The following NDST3 variants were observed in gnomAD, a reference collection of about 807,000 sequenced individuals.
NDST3 encodes bifunctional heparan sulfate N-deacetylase/N-sulfotransferase 3.
A neutral mutation model predicts 96.1 loss-of-function variants in NDST3; 58 were observed. That is an observed-to-expected ratio of 0.60 (90% confidence interval 0.49 to 0.75). The LOEUF (loss-of-function observed/expected upper bound fraction) is 0.75. Ranked by LOEUF, NDST3 falls within the 30% of genes least tolerant of loss-of-function variation. The pLI is 0.00. For missense variants in NDST3, 788 were observed against 1,034.2 expected (o/e 0.76, Z 3.27); for synonymous variants, 333 against 359.7 (o/e 0.93, Z 0.84).
At chr4:118,225,246 T>G (rs180941088) in intron 7 of NDST3, among the ~76,000 whole-genome samples, 1 of 152,182 alleles carries the variant, frequency 6.6e-6, no homozygotes, top group African/African-American at 2.4e-5. Flanking sequence ...CATATTCAGA[T>G]GACTCTGGGG....
chr4:118,233,192 T>G, intron 9 of NDST3, 57 bp downstream of exon 9: 1 of 1,329,152 alleles, frequency 7.5e-7, no homozygotes. Context: ...CAGTATAAAC[T>G]TAGCACTAAT....
intron 8 of NDST3, among the ~76,000 whole-genome samples, chr4:118,227,203 C>A (rs1222883010): frequency 6.7e-6 from 1 of 150,358 alleles, no homozygotes; most frequent in East Asian, 2.0e-4. Context: ...GTTCAAATAT[C>A]CAGCAGTCAA....
At chr4:118,078,269 G>A (rs1727733957) in intron 2 of NDST3, among the ~76,000 whole-genome samples, 1 of 152,080 alleles carries the variant, frequency 6.6e-6, no homozygotes, top group Non-Finnish European at 1.5e-5. Context: ...AGCTTGTAGG[G>A]TCAGTGTTCA....
intron 6 of NDST3, among the ~76,000 whole-genome samples, chr4:118,151,811 T>C (rs796659319): frequency 1.3e-5 from 2 of 152,350 alleles, no homozygotes; most frequent in South Asian, 4.1e-4. Context: ...TGTTTACTGC[T>C]GTTCATCCCA....
intron 6 of NDST3, among the ~76,000 whole-genome samples, chr4:118,205,827 G>A (rs1264455660): frequency 1.7e-5 from 2 of 115,260 alleles, no homozygotes; most frequent in East Asian, 5.0e-4. Context: ...CACCTATCGG[G>A]CTTTCTTTTT....
chr4:118,256,418 C>A lies in NDST3; in HGVS notation c.*706C>A, dbSNP rs1028115805. ...CGTAATTGTTATACTGAAATATATA[C>A]TGTAAAGCTGTTGGATGGTAAATAG... On this transcript the variant is annotated 3_prime_UTR_variant, in exon 14 of 14. Coordinates refer to ENST00000296499, the MANE Select transcript of NDST3 (RefSeq NM_004784.3). 6.6e-6 allele frequency: 1 copy of A among 152,230 alleles called. No individual in the cohort carries two copies. The highest frequency in any genetic ancestry group is 2.4e-5 in the African/African-American group (1 of 41,528). The allele number at this position is 152,230 out of a possible 1,614,324, so 9.4% of individuals were successfully genotyped here. A position where few individuals can be genotyped will look rare whatever the true frequency, so the allele number is the denominator to read the frequency against.
At chr4:118,245,676 C>G (rs1316321526) in intron 12 of NDST3, among the ~76,000 whole-genome samples, 1 of 151,968 alleles carries the variant, frequency 6.6e-6, no homozygotes, top group Non-Finnish European at 1.5e-5. Context: ...GAAAGAACAC[C>G]TAGAAATGCT....
intron 6 of NDST3, among the ~76,000 whole-genome samples, chr4:118,216,696 T>A (rs1739215484): frequency 1.3e-5 from 2 of 151,950 alleles, no homozygotes; most frequent in Admixed American, 1.3e-4. Flanking sequence ...AGTAAGAAAA[T>A]AAGTGGAGAC....
intron 6 of NDST3, chr4:118,193,757 C>A (rs1737474465): frequency 6.8e-7 from 1 of 1,474,448 alleles, no homozygotes; most frequent in Non-Finnish European, 9.4e-7. Flanking sequence ...GGCCTTGTTA[C>A]AGCTTTCAGT....
intron 1 of NDST3, among the ~76,000 whole-genome samples, chr4:118,037,684 G>A (rs1009004026): frequency 6.6e-6 from 1 of 152,096 alleles, no homozygotes; most frequent in African/African-American, 2.4e-5. Flanking sequence ...TTTGCACCAG[G>A]CATAAAGGAG....
chr4:118,037,109 T>C (rs1299858806), intron 1 of NDST3, among the ~76,000 whole-genome samples: 2 of 152,216 alleles, frequency 1.3e-5, no homozygotes, highest in South Asian at 2.1e-4. Flanking sequence ...GCTTGGTTTC[T>C]TCACCTGAAA....
chr4:118,233,632 A>C (rs999567283), intron 9 of NDST3, among the ~76,000 whole-genome samples: 1 of 152,232 alleles, frequency 6.6e-6, no homozygotes, highest in Admixed American at 6.5e-5. Context: ...CAATACACAG[A>C]ATTTAATTCT....
chr4:118,128,519 C>A (rs796554105), intron 4 of NDST3, among the ~76,000 whole-genome samples: 1 of 152,058 alleles, frequency 6.6e-6, no homozygotes, highest in African/African-American at 2.4e-5. Flanking sequence ...ACCATCCTCA[C>A]ATCCCAAGGA....
chr4:118,254,033 G>A lies in NDST3; in HGVS notation c.2502+432G>A, dbSNP rs575316609. Among the ~76,000 whole-genome samples the A allele has an allele frequency of 3.3e-5, 5 of 152,218 alleles. No homozygotes were observed. In the South Asian group the frequency reaches 8.3e-4, roughly 25 times the overall value. On this transcript the variant is annotated intron_variant, in intron 13 of 13. Coordinates refer to ENST00000296499, the MANE Select transcript of NDST3 (RefSeq NM_004784.3). ...ACGTGGGTGGATCACTTGAGGTCAG[G>A]AGTTCGAGACCAGCCTGGCCAACAT... is the stretch of plus-strand genomic sequence containing the variant.
Position 118,209,638 on chromosome 4 carries a change from G to A in NDST3, c.1540-14853G>A, listed in dbSNP as rs146241143. 1.5e-3 allele frequency among the ~76,000 whole-genome samples: 227 copies of A among 152,274 alleles called. 1 individual carries two copies. The highest frequency in any genetic ancestry group is 5.3e-3 in the African/African-American group (219 of 41,564). ...GTATAGCCAGAAAAATTATGTGAGA[G>A]ACATAAATGTTATAAAAAAGACAAA... On this transcript the variant is annotated intron_variant, in intron 6 of 13. Transcript: ENST00000296499.
intron 2 of NDST3, among the ~76,000 whole-genome samples, chr4:118,064,511 T>C (rs535357108): frequency 6.6e-6 from 1 of 152,186 alleles, no homozygotes; most frequent in South Asian, 2.1e-4. Flanking sequence ...TATAGCCAAC[T>C]TATTAAACTT....
At chr4:118,097,424 C>G (rs1729402222) in intron 2 of NDST3, among the ~76,000 whole-genome samples, 1 of 151,822 alleles carries the variant, frequency 6.6e-6, no homozygotes, top group Non-Finnish European at 1.5e-5. Flanking sequence ...GGAAAAACAA[C>G]TCATAAATAA....
At chr4:118,145,418 C>T (rs1040725331) in intron 6 of NDST3, among the ~76,000 whole-genome samples, 2 of 152,038 alleles carry the variant, frequency 1.3e-5, no homozygotes, top group Non-Finnish European at 2.9e-5. Context: ...ATTTTATCTC[C>T]GAATTTCTAA....
chr4:118,164,800 T>C (rs1010077239), intron 6 of NDST3, among the ~76,000 whole-genome samples: 47 of 150,450 alleles, frequency 3.1e-4, no homozygotes, highest in African/African-American at 1.1e-3. Context: ...GCAAGGGAGG[T>C]GAAAGAATAG....
Sources: gnomAD v4.1 joint callset for allele counts (sites outside exome capture counted in the v4.1 genomes callset) on GRCh38, gnomAD v4.1.1 for gene constraint, MANE v1.5 for transcripts, NCBI Gene and HGNC (gene_info 2026-07-23, HGNC 2026-07-21) for gene names.